HERC3: variants seen among roughly 807,000 people sequenced by gnomAD.
HERC3 encodes probable E3 ubiquitin-protein ligase HERC3.
Under a neutral mutation model 129.9 loss-of-function variants are expected in HERC3, and 58 were observed. That is an observed-to-expected ratio of 0.45 (90% CI 0.36 to 0.56). The LOEUF is 0.56. Among genes scored for constraint, HERC3 ranks in the 20% least tolerant of loss-of-function variants. HERC3 has a pLI of 0.00. For missense variants in HERC3, 835 were observed against 1,244.2 expected, an observed-to-expected ratio of 0.67 and a Z score of 4.95; for synonymous variants, 430 against 451.0, an observed-to-expected ratio of 0.95 and a Z score of 0.59.
intron 2 of HERC3, among the ~76,000 whole-genome samples, chr4:88,595,884 T>C (rs1722324852): frequency 7.0e-6 from 1 of 142,624 alleles, no homozygotes; most frequent in Non-Finnish European, 1.5e-5. Flanking sequence ...GGAGTCTGGC[T>C]GTCGCCCACG....
the HERC3 span, among the ~76,000 whole-genome samples, chr4:88,577,605 G>GTGTATATATATATATATATATA: frequency 2.6e-4 from 34 of 131,860 alleles, no homozygotes; most frequent in South Asian, 4.6e-3. Flanking sequence ...GTATGTGTGT[G>GTGTATATATATATATATATATA]TATATATATA....
the HERC3 span, among the ~76,000 whole-genome samples, chr4:88,548,887 T>C: frequency 6.6e-6 from 1 of 152,256 alleles, no homozygotes; most frequent in African/African-American, 2.4e-5. Context: ...GATCTTGATC[T>C]CCTGACCTCG....
chr4:88,659,555 C>A (rs112086923), intron 10 of HERC3, among the ~76,000 whole-genome samples: 1 of 152,154 alleles, frequency 6.6e-6, no homozygotes, highest in African/African-American at 2.4e-5. Context: ...TACCATCTGG[C>A]GTGATTTGGA....
At chr4:88,681,480 G>A (rs1193305390) in intron 21 of HERC3, among the ~76,000 whole-genome samples, 155 bp downstream of exon 21, 1 of 152,228 alleles carries the variant, frequency 6.6e-6, no homozygotes, top group Non-Finnish European at 1.5e-5. Flanking sequence ...TAGCTGTGCA[G>A]CTACTTGCTT....
intron 2 of HERC3, among the ~76,000 whole-genome samples, chr4:88,598,351 T>TTTAAAAGCA (rs1469543561): frequency 2.4e-4 from 37 of 152,228 alleles, no homozygotes; most frequent in Non-Finnish European, 4.7e-4. Flanking sequence ...CTCTCCAGAA[T>TTTAAAAGCA]TTAAAAGCAA....
chr4:88,585,684 T>C, the HERC3 span, among the ~76,000 whole-genome samples: 1 of 152,002 alleles, frequency 6.6e-6, no homozygotes, highest in Admixed American at 6.6e-5. Context: ...GTGGGGGAAA[T>C]ATATGACACC....
chr4:88,650,166 A>G (rs372866675), intron 4 of HERC3, among the ~76,000 whole-genome samples, 167 bp downstream of exon 4: 2 of 152,250 alleles, frequency 1.3e-5, no homozygotes, highest in African/African-American at 2.4e-5. Context: ...AATTATTTAT[A>G]GAAGTGTCTG....
chr4:88,662,576 A>C (rs750986091), intron 11 of HERC3, 21 bp downstream of exon 11: 2 of 1,570,738 alleles, frequency 1.3e-6, no homozygotes, highest in Admixed American at 3.8e-5. Flanking sequence ...GCTTGTCTTC[A>C]TTTTTTTTTC....
intron 3 of HERC3, among the ~76,000 whole-genome samples, chr4:88,635,172 A>G (rs903314604): frequency 1.3e-5 from 2 of 152,126 alleles, no homozygotes; most frequent in Non-Finnish European, 2.9e-5. Flanking sequence ...TGACAAAAAC[A>G]GGCTTCAGAA....
the HERC3 span, among the ~76,000 whole-genome samples, chr4:88,543,433 G>A: frequency 1.3e-5 from 2 of 152,162 alleles, no homozygotes; most frequent in African/African-American, 4.8e-5. Context: ...CGAAATAAAA[G>A]AGGACACAAA....
the HERC3 span, chr4:88,527,760 C>T: frequency 2.5e-5 from 8 of 321,000 alleles, no homozygotes; most frequent in East Asian, 7.6e-4. Context: ...TGCTTATGTC[C>T]TTGTTCATTC....
At chr4:88,639,422 T>G (rs1727824075) in intron 3 of HERC3, among the ~76,000 whole-genome samples, 2 of 148,392 alleles carry the variant, frequency 1.3e-5, no homozygotes, top group Admixed American at 6.6e-5. Flanking sequence ...AATAGAGGCC[T>G]CAGAAATAAC....
the HERC3 span, among the ~76,000 whole-genome samples, chr4:88,553,947 G>A: frequency 6.6e-6 from 1 of 152,174 alleles, no homozygotes; most frequent in African/African-American, 2.4e-5. Context: ...ATTTGGTAAG[G>A]GGGTAATAAC....
the HERC3 span, among the ~76,000 whole-genome samples, chr4:88,563,660 T>C: frequency 4.1e-5 from 5 of 121,496 alleles, no homozygotes; most frequent in African/African-American, 1.7e-4. Flanking sequence ...TGTTCCTTCC[T>C]TTTTTTTTTT....
At chr4:88,638,591 C>A (rs1207479557) in intron 3 of HERC3, among the ~76,000 whole-genome samples, 1 of 152,142 alleles carries the variant, frequency 6.6e-6, no homozygotes, top group African/African-American at 2.4e-5. Context: ...GAACATATCT[C>A]AAAATAATAG....
At chr4:88,631,911 C>T (rs1726809808) in intron 3 of HERC3, among the ~76,000 whole-genome samples, 3 of 152,202 alleles carry the variant, frequency 2.0e-5, no homozygotes, top group Admixed American at 2.0e-4. Context: ...GGACAGAATG[C>T]CTGGAGCGAC....
chr4:88,701,571 A>G (rs1160826218), intron 23 of HERC3, among the ~76,000 whole-genome samples: 2 of 152,216 alleles, frequency 1.3e-5, no homozygotes, highest in Non-Finnish European at 2.9e-5. Flanking sequence ...AAACATTTGT[A>G]TATATGATCC....
chr4:88,541,408 T>G, the HERC3 span, among the ~76,000 whole-genome samples: 1 of 152,180 alleles, frequency 6.6e-6, no homozygotes, highest in Admixed American at 6.5e-5. Context: ...TAAATATATA[T>G]GTACCTAATA....
In HERC3 at chr4:88,706,931, G is replaced by A. The variant is rs909573701; in HGVS notation, c.3124G>A (p.Asp1042Asn). 1.9e-6 allele frequency: 3 copies of A among 1,614,160 alleles called. No homozygotes were observed. The highest frequency in any genetic ancestry group is 4.5e-5 in the East Asian group (2 of 44,882). ...GAGTGCCCGGCTGACCCAGGCCCTT[G>A]ACAACTATGAAGGGTTTAGTTTGGC... ...ILSARLTQAL[D>N]NYEGFSLA is the part of the protein sequence containing the mutation. The change falls in exon 26 of 26, where the codon GAC (aspartate) becomes AAC (asparagine). Residue 1042 changes from aspartate to asparagine, a missense_variant. By Grantham distance (23) the Asp-to-Asn change is conservative (BLOSUM62 1). Coordinates refer to ENST00000402738, the MANE Select transcript of HERC3 (RefSeq NM_014606.3).
Sources: gnomAD v4.1 joint callset for allele counts (sites outside exome capture counted in the v4.1 genomes callset) on GRCh38, gnomAD v4.1.1 for gene constraint, MANE v1.5 for transcripts, NCBI Gene and HGNC (gene_info 2026-07-23, HGNC 2026-07-21) for gene names.